GNA12: variants seen among roughly 807,000 people sequenced by gnomAD.
The protein encoded by GNA12 is G protein subunit alpha 12.
In GNA12, 9 loss-of-function variants were observed where a neutral mutation model predicts 26.0. The observed-to-expected ratio is 0.35, with a 90% CI of 0.21 to 0.60. The LOEUF (loss-of-function observed/expected upper bound fraction) is 0.60. Ranked by LOEUF, GNA12 falls within the 20% of genes least tolerant of loss-of-function variation. The pLI is 0.78. For missense variants in GNA12, 405 were observed against 525.8 expected (o/e 0.77, Z 2.25); for synonymous variants, 264 against 219.6 (o/e 1.20, Z -1.79).
chr7:2,750,941 T>G (rs1390555516), intron 2 of GNA12, among the ~76,000 whole-genome samples: 1 of 152,186 alleles, frequency 6.6e-6, no homozygotes, highest in Non-Finnish European at 1.5e-5. Context: ...ATATGCACAC[T>G]CCAGGAGTGG....
At chr7:2,762,549 G>A (rs187896591) in intron 2 of GNA12, 888 of 1,335,772 alleles carry the variant, frequency 6.6e-4, no homozygotes, top group Admixed American at 2.0e-3. Flanking sequence ...TTCTATTCTG[G>A]AGTTAGATCC....
In GNA12 at chr7:2,835,816, A is replaced by ATGATGCCTTATCAAATCGG. The variant is rs1409202644; in HGVS notation, c.309+8018_309+8036dup. On this transcript the variant is annotated intron_variant, in intron 1 of 3. Transcript: ENST00000275364. ...CATGCTTGCAGATGCTGACTGCTTA[A>ATGATGCCTTATCAAATCGG]TGATGCCTTATCAAATCGGTGATGT... 3 of 658,572 alleles carry ATGATGCCTTATCAAATCGG rather than the reference A, an allele frequency of 4.6e-6. No individual in the cohort carries two copies. In the Admixed American group the frequency reaches 6.3e-5, roughly 14 times the overall value. 40.8% of individuals were successfully genotyped at this position (658,572 alleles called of 1,614,324 possible).
intron 2 of GNA12, among the ~76,000 whole-genome samples, chr7:2,743,232 C>T (rs1412644474): frequency 1.3e-5 from 2 of 152,184 alleles, no homozygotes; most frequent in Admixed American, 1.3e-4. Context: ...AAGCAACCAC[C>T]AGCACAGGCA....
chr7:2,800,932 T>C (rs1792794762), intron 1 of GNA12, among the ~76,000 whole-genome samples: 1 of 151,900 alleles, frequency 6.6e-6, no homozygotes, highest in African/African-American at 2.4e-5. Flanking sequence ...ACCAAAAAGG[T>C]TCAAGAACCC....
chr7:2,784,721 C>T lies in GNA12; in HGVS notation c.525+10207G>A, dbSNP rs146710615. Reference sequence around the variant, plus strand: ...TTTCCTTCGCTTTCTCCTGGGGATGCATCCCTTGTGTACTGATTCGCAAGC... The same window carrying T: ...TTTCCTTCGCTTTCTCCTGGGGATGTATCCCTTGTGTACTGATTCGCAAGC... On this transcript the variant is annotated intron_variant, in intron 2 of 3. Coordinates refer to ENST00000275364, the MANE Select transcript of GNA12 (RefSeq NM_007353.3). 8.5e-4 allele frequency among the ~76,000 whole-genome samples: 130 copies of T among 152,312 alleles called. 1 individual carries two copies. Among genetic ancestry groups the T allele is most frequent in the African/African-American group, 2.9e-3 (122 of 41,566 alleles).
chr7:2,811,092 C>T (rs1419973192), intron 1 of GNA12, among the ~76,000 whole-genome samples: 4 of 152,008 alleles, frequency 2.6e-5, no homozygotes, highest in Non-Finnish European at 5.9e-5. Context: ...CTCCCAGCAG[C>T]AAAAAGGAGA....
chr7:2,786,982 G>A (rs773951130), intron 2 of GNA12, among the ~76,000 whole-genome samples: 10 of 152,162 alleles, frequency 6.6e-5, no homozygotes, highest in Non-Finnish European at 1.2e-4. Flanking sequence ...CCATGAACAC[G>A]GGGTTCAGCT....
chr7:2,745,081 T>C (rs954804156), intron 2 of GNA12, among the ~76,000 whole-genome samples: 2 of 152,182 alleles, frequency 1.3e-5, no homozygotes, highest in African/African-American at 4.8e-5. Flanking sequence ...TGGAACCAAG[T>C]TGGAAAACAC....
chr7:2,843,867 C>G lies in GNA12; in HGVS notation c.295G>C (p.Asp99His), dbSNP rs1779087124. Residue 99 changes from aspartate to histidine, a missense_variant, in exon 1 of 4, where the codon GAC becomes CAC. Coordinates refer to ENST00000275364, the MANE Select transcript of GNA12 (RefSeq NM_007353.3). Reference protein sequence around the residue: ...ALLEFRDTIFDNILKGSRVLV... With the variant: ...ALLEFRDTIFHNILKGSRVLV... ...GCGCGCGTCACCTTGAGGATGTTGTCGAAGATGGTGTCGCGGAACTCCAGC... is the reference window on the plus strand; with the variant it reads ...GCGCGCGTCACCTTGAGGATGTTGTGGAAGATGGTGTCGCGGAACTCCAGC... The G allele has an allele frequency of 1.3e-6, 2 of 1,538,572 alleles. No individual in the cohort carries two copies. The highest frequency in any genetic ancestry group is 2.6e-5 in the East Asian group (1 of 39,080).
At chr7:2,780,054 AT>A (rs1562424136) in intron 2 of GNA12, among the ~76,000 whole-genome samples, 2 of 29,752 alleles carry the variant, frequency 6.7e-5, no homozygotes, top group East Asian at 2.2e-3. Context: ...CTGTGTACAT[AT>A]ATATATATAT....
At chr7:2,734,731 G>C (rs1790072175) in intron 2 of GNA12, among the ~76,000 whole-genome samples, 2 of 152,216 alleles carry the variant, frequency 1.3e-5, no homozygotes, top group African/African-American at 4.8e-5. Flanking sequence ...TGTTTTGTTT[G>C]AGGGGACAGA....
chr7:2,765,906 TGCTGGGATTACAGGC>T (rs1791788325), intron 2 of GNA12, among the ~76,000 whole-genome samples: 1 of 141,500 alleles, frequency 7.1e-6, no homozygotes, highest in East Asian at 2.3e-4. Context: ...GTTTCCAAAG[TGCTGGGATTACAGGC>T]GCGAGCCACT....
chr7:2,788,532 A>G (rs763312273), intron 2 of GNA12, among the ~76,000 whole-genome samples: 1 of 152,226 alleles, frequency 6.6e-6, no homozygotes, highest in African/African-American at 2.4e-5. Flanking sequence ...ACTGGCCACA[A>G]TTTCAAAAGT....
chr7:2,833,189 T>C lies in GNA12; in HGVS notation c.309+10664A>G, dbSNP rs78742252. ...CAAACAAACCATAATAGTTACGGCATGAAATGAGCCGGCCTGTCATCATGG... is the reference window on the plus strand; with the variant it reads ...CAAACAAACCATAATAGTTACGGCACGAAATGAGCCGGCCTGTCATCATGG... On this transcript the variant is annotated intron_variant, in intron 1 of 3. Transcript: ENST00000275364. Among the ~76,000 whole-genome samples, 839 of 152,356 alleles carry C rather than the reference T, an allele frequency of 5.5e-3. 9 individuals are homozygous for C. Among genetic ancestry groups the C allele is most frequent in the African/African-American group, 0.019 (790 of 41,576 alleles).
Position 2,789,132 on chromosome 7 carries a change from C to CTT in GNA12, c.525+5794_525+5795dup, listed in dbSNP as rs71026556. ...ACCGTGCCCGGACCCCTTCAGGCAT[C>CTT]TTTTTTTTTTTTTTTTTTTTTGAGA... On this transcript the variant is annotated intron_variant, in intron 2 of 3. Coordinates refer to ENST00000275364, the MANE Select transcript of GNA12 (RefSeq NM_007353.3). Among the ~76,000 whole-genome samples the CTT allele has an allele frequency of 4.7e-4, 34 of 72,828 alleles. 1 individual carries two copies. The highest frequency in any genetic ancestry group is 1.2e-3 in the East Asian group (3 of 2,602). The allele number at this position is 72,828 out of a possible 152,430, so 47.8% of individuals were successfully genotyped here. A position where few individuals can be genotyped will look rare whatever the true frequency, so the allele number is the denominator to read the frequency against.
intron 2 of GNA12, among the ~76,000 whole-genome samples, chr7:2,737,156 T>C (rs1238209918): frequency 6.6e-6 from 1 of 151,704 alleles, no homozygotes; most frequent in Non-Finnish European, 1.5e-5. Flanking sequence ...TAGGGACAGA[T>C]CAAGGACCAG....
intron 2 of GNA12, among the ~76,000 whole-genome samples, chr7:2,756,301 A>T (rs1274588497): frequency 6.6e-6 from 1 of 152,228 alleles, no homozygotes; most frequent in African/African-American, 2.4e-5. Context: ...AAGGACATTG[A>T]TTCTAACTAT....
chr7:2,790,944 G>A (rs964306297), intron 2 of GNA12, among the ~76,000 whole-genome samples: 3 of 150,750 alleles, frequency 2.0e-5, no homozygotes, highest in East Asian at 1.9e-4. Context: ...AGTGTACTCC[G>A]GCCTGGAAGG....
At chr7:2,780,819 A>C (rs1283959084) in intron 2 of GNA12, among the ~76,000 whole-genome samples, 1 of 152,206 alleles carries the variant, frequency 6.6e-6, no homozygotes, top group Non-Finnish European at 1.5e-5. Context: ...GGATTTTTTC[A>C]ATTATATATA....
Sources: gnomAD v4.1 joint callset for allele counts (sites outside exome capture counted in the v4.1 genomes callset) on GRCh38, gnomAD v4.1.1 for gene constraint, MANE v1.5 for transcripts, NCBI Gene and HGNC (gene_info 2026-07-23, HGNC 2026-07-21) for gene names.